Variants in ZBBX observed in about 807,000 individuals in gnomAD.
ZBBX encodes zinc finger B-box domain-containing protein 1.
ZBBX carries 101 observed loss-of-function variants against 108.5 expected under a neutral mutation model. The ratio of observed to expected loss-of-function variants is 0.93; its 90% CI spans 0.79 to 1.10. The LOEUF is 1.10. Among genes scored for constraint, ZBBX ranks in the 50% least tolerant of loss-of-function variants. The probability of loss-of-function intolerance (pLI) is 0.00; values close to 1 mark genes in which losing one functional copy is unlikely to be tolerated. For missense variants in ZBBX, 1,009 were observed against 941.4 expected, an observed-to-expected ratio of 1.07 and a Z score of -0.94; for synonymous variants, 356 against 323.4, an observed-to-expected ratio of 1.10 and a Z score of -1.08.
chr3:167,372,760 C>T (rs1746343956), intron 4 of ZBBX, 74 bp downstream of exon 4: 1 of 716,880 alleles, frequency 1.4e-6, no homozygotes, highest in East Asian at 2.7e-5. Flanking sequence ...TAAGAATTCA[C>T]AAAATAGTCA....
chr3:167,367,911 T>C (rs1745563604), intron 5 of ZBBX, among the ~76,000 whole-genome samples: 1 of 148,714 alleles, frequency 6.7e-6, no homozygotes, highest in African/African-American at 2.4e-5. Flanking sequence ...CTAACCAGCA[T>C]TTGCTAAATA....
At chr3:167,328,343 A>G (rs573886122) in intron 10 of ZBBX, among the ~76,000 whole-genome samples, 21 of 152,284 alleles carry the variant, frequency 1.4e-4, no homozygotes, top group African/African-American at 4.8e-4. Flanking sequence ...TTCAGAAATC[A>G]TGAAGATGAC....
chr3:167,282,455 A>G lies in ZBBX; in HGVS notation c.2037T>C (p.Leu679=). The G allele has an allele frequency of 6.2e-7, 1 of 1,613,710 alleles. No individual in the cohort carries two copies. Among genetic ancestry groups the G allele is most frequent in the Non-Finnish European group, 8.5e-7 (1 of 1,179,804 alleles). ...TGGAGCTTTCTTTAACAGAGTTGGA[A>G]AGTGGAAAATTTGCTGTTGAAGGTC... is the stretch of plus-strand genomic sequence containing the variant. ...SQRPSTANFP[L]SNSVKESSSC... The change falls in exon 20 of 22, where the codon CTT becomes CTC. Residue 679 remains leucine (L), a synonymous_variant. Transcript: ENST00000675490.
At chr3:167,272,403 C>G (rs1469261587) in intron 20 of ZBBX, among the ~76,000 whole-genome samples, 1 of 152,118 alleles carries the variant, frequency 6.6e-6, no homozygotes, top group Non-Finnish European at 1.5e-5. Flanking sequence ...TCATCAAAAG[C>G]TGGAAAGAAT....
intron 20 of ZBBX, among the ~76,000 whole-genome samples, chr3:167,281,111 G>C (rs1221350497): frequency 6.6e-6 from 1 of 152,146 alleles, no homozygotes; most frequent in Non-Finnish European, 1.5e-5. Context: ...TTGTGGGGTG[G>C]GGGTAGGGGG....
chr3:167,325,290 G>A (rs570836523), intron 11 of ZBBX, among the ~76,000 whole-genome samples: 1 of 152,188 alleles, frequency 6.6e-6, no homozygotes, highest in East Asian at 1.9e-4. Context: ...GTTCCACATG[G>A]CTGGGGAGGC....
rs753760298 is a variant in ZBBX, at chr3:167,360,018, AAT to A, written c.323-41_323-40del. The A allele has an allele frequency of 1.3e-5, 16 of 1,217,256 alleles. 1 individual carries two copies. Among genetic ancestry groups the A allele is most frequent in the South Asian group, 8.1e-5 (5 of 61,892 alleles). The allele number at this position is 1,217,256 out of a possible 1,614,324, so 75.4% of individuals were successfully genotyped here. A position where few individuals can be genotyped will look rare whatever the true frequency, so the allele number is the denominator to read the frequency against. ...AATAATATTACTCCAATCATTTAAAAATATGTTAAATTTTCCAATTGATAAAT... is the reference window on the plus strand; with the variant it reads ...AATAATATTACTCCAATCATTTAAAAATGTTAAATTTTCCAATTGATAAAT... On this transcript the variant is annotated intron_variant, in intron 7 of 21. Coordinates refer to ENST00000675490, the MANE Select transcript of ZBBX (RefSeq NM_001199201.2).
At chr3:167,350,328 C>A in intron 9 of ZBBX, 92 bp downstream of exon 9, 1 of 923,612 alleles carries the variant, frequency 1.1e-6, no homozygotes, top group South Asian at 2.1e-5. Flanking sequence ...GTAAATCATC[C>A]TGAGTTCTAG....
At chr3:167,359,570 G>C (rs1744172579) in intron 8 of ZBBX, among the ~76,000 whole-genome samples, 1 of 152,076 alleles carries the variant, frequency 6.6e-6, no homozygotes. Context: ...TTTGGTTTTG[G>C]ATGGGATATA....
At chr3:167,239,021 GATCT>G (rs1389001754), downstream of ZBBX, among the ~76,000 whole-genome samples, 11 of 151,872 alleles carry the variant, frequency 7.2e-5, no homozygotes, top group African/African-American at 2.2e-4. Flanking sequence ...TCTATCAGTT[GATCT>G]ATCTATAGAA....
At chr3:167,337,242 G>A (rs1283863496) in intron 9 of ZBBX, among the ~76,000 whole-genome samples, 2 of 152,114 alleles carry the variant, frequency 1.3e-5, no homozygotes, top group Admixed American at 6.6e-5. Context: ...TTTAGGCTGG[G>A]CAGGGTGGCT....
chr3:167,309,222 A>G (rs1734175822), intron 16 of ZBBX, among the ~76,000 whole-genome samples: 1 of 152,196 alleles, frequency 6.6e-6, no homozygotes, highest in Non-Finnish European at 1.5e-5. Flanking sequence ...CCACTGCTGT[A>G]CACTGCTACT....
At chr3:167,264,593 G>T (rs763968136) in intron 20 of ZBBX, among the ~76,000 whole-genome samples, 50 of 152,196 alleles carry the variant, frequency 3.3e-4, no homozygotes, top group South Asian at 3.1e-3. Flanking sequence ...AGTTGTTATA[G>T]TTACTATTTT....
intron 20 of ZBBX, among the ~76,000 whole-genome samples, chr3:167,268,949 C>G (rs1235319408): frequency 2.0e-5 from 3 of 152,162 alleles, no homozygotes; most frequent in Non-Finnish European, 2.9e-5. Context: ...CTACCAGACC[C>G]TCTAAAGAGT....
chr3:167,323,098 T>C (rs1481465192), intron 11 of ZBBX, among the ~76,000 whole-genome samples: 2 of 151,950 alleles, frequency 1.3e-5, no homozygotes, highest in Non-Finnish European at 2.9e-5. Flanking sequence ...GGAAAAAGTT[T>C]GGGAAAACAC....
At chr3:167,229,274 A>T in the ZBBX span, among the ~76,000 whole-genome samples, 1 of 151,770 alleles carries the variant, frequency 6.6e-6, no homozygotes, top group East Asian at 1.9e-4. Flanking sequence ...ACAAAATTTA[A>T]CTCATTCTTA....
At chr3:167,395,768 T>G (rs1421316518) in intron 1 of ZBBX, among the ~76,000 whole-genome samples, 2 of 151,984 alleles carry the variant, frequency 1.3e-5, no homozygotes, top group African/African-American at 4.8e-5. Context: ...TTTGCCTTTT[T>G]GTCTATGCAT....
In ZBBX at chr3:167,240,925, A is replaced by G. The variant is rs375402976; in HGVS notation, c.2394-6T>C. Reference sequence around the variant, plus strand: ...TGGTATCTCTTCCAGAACAGCTGAAAATACATAACAAGATCAATACACAAT... The same window carrying G: ...TGGTATCTCTTCCAGAACAGCTGAAGATACATAACAAGATCAATACACAAT... On this transcript the variant is annotated splice_region_variant and splice_polypyrimidine_tract_variant and intron_variant, in intron 21 of 21. Transcript: ENST00000675490. The G allele has an allele frequency of 3.1e-6, 5 of 1,612,372 alleles. No individual in the cohort carries two copies. The highest frequency in any genetic ancestry group is 4.2e-6 in the Non-Finnish European group (5 of 1,179,054).
chr3:167,304,740 GTTTCC>G (rs1733332112), intron 17 of ZBBX, among the ~76,000 whole-genome samples: 1 of 152,192 alleles, frequency 6.6e-6, no homozygotes, highest in Non-Finnish European at 1.5e-5. Flanking sequence ...GCAGAGATCA[GTTTCC>G]TTTCATCTTG....
Sources: allele counts gnomAD v4.1 joint callset (sites outside exome capture counted in the v4.1 genomes callset), GRCh38; gene constraint gnomAD v4.1.1; transcripts MANE v1.5; gene names NCBI Gene and HGNC (gene_info 2026-07-23, HGNC 2026-07-21).